CYTH1: variants seen among roughly 807,000 people sequenced by gnomAD.
CYTH1 encodes cytohesin-1.
A neutral mutation model predicts 61.8 loss-of-function variants in CYTH1; 18 were observed. The observed-to-expected ratio is 0.29, with a 90% CI of 0.20 to 0.43. The LOEUF is 0.43. Among genes scored for constraint, CYTH1 ranks in the 20% least tolerant of loss-of-function variants. CYTH1 has a pLI of 1.00. For missense variants in CYTH1, 336 were observed against 510.5 expected, an observed-to-expected ratio of 0.66 and a Z score of 3.29; for synonymous variants, 174 against 184.3, an observed-to-expected ratio of 0.94 and a Z score of 0.45.
At chr17:78,736,114 G>C (rs1438263780) in intron 1 of CYTH1, among the ~76,000 whole-genome samples, 4 of 152,200 alleles carry the variant, frequency 2.6e-5, no homozygotes, top group African/African-American at 7.2e-5. Context: ...TTTTCCCTTA[G>C]ACACATTTTA....
chr17:78,756,504 T>C (rs961066908), intron 1 of CYTH1, among the ~76,000 whole-genome samples: 1 of 152,200 alleles, frequency 6.6e-6, no homozygotes, highest in Non-Finnish European at 1.5e-5. Context: ...GTGCTCATCA[T>C]CACCAATTAA....
At chr17:78,739,391 T>A (rs543794052) in intron 1 of CYTH1, among the ~76,000 whole-genome samples, 17 of 152,188 alleles carry the variant, frequency 1.1e-4, no homozygotes, top group African/African-American at 4.1e-4. Context: ...GGGAAACAAG[T>A]AAGTAAAATA....
intron 11 of CYTH1, among the ~76,000 whole-genome samples, chr17:78,688,836 C>T (rs927696084): frequency 2.6e-5 from 4 of 152,182 alleles, no homozygotes; most frequent in Non-Finnish European, 5.9e-5. Flanking sequence ...GTGGGCTTGG[C>T]GAATGTGATC....
chr17:78,697,034 G>A (rs1023008810), intron 9 of CYTH1, among the ~76,000 whole-genome samples: 2 of 152,212 alleles, frequency 1.3e-5, no homozygotes, highest in African/African-American at 4.8e-5. Flanking sequence ...GATCGGTGAA[G>A]TGGTGCTGTA....
chr17:78,716,382 C>A (rs983291861), intron 1 of CYTH1, among the ~76,000 whole-genome samples: 1 of 152,180 alleles, frequency 6.6e-6, no homozygotes, highest in Non-Finnish European at 1.5e-5. Flanking sequence ...ACTATGGTCA[C>A]TAGAAAAGAT....
At chr17:78,711,896 T>C (rs1483485656) in intron 1 of CYTH1, among the ~76,000 whole-genome samples, 1 of 151,622 alleles carries the variant, frequency 6.6e-6, no homozygotes, top group Non-Finnish European at 1.5e-5. Context: ...GACAACATGG[T>C]GAAACCCTGT....
chr17:78,736,742 C>T (rs532849606), intron 1 of CYTH1: 9 of 410,414 alleles, frequency 2.2e-5, no homozygotes, highest in Admixed American at 5.8e-5. Context: ...CAGCGGGACA[C>T]GAAAAGTCCG....
intron 1 of CYTH1, among the ~76,000 whole-genome samples, chr17:78,774,062 T>TA (rs2093481946): frequency 1.3e-5 from 2 of 150,618 alleles, no homozygotes; most frequent in African/African-American, 5.0e-5. Context: ...CTTGTTTGTT[T>TA]TAAAAAAAAA....
At chr17:78,714,049 G>A (rs544535906) in intron 1 of CYTH1, among the ~76,000 whole-genome samples, 2 of 152,296 alleles carry the variant, frequency 1.3e-5, no homozygotes, top group African/African-American at 4.8e-5. Context: ...TAGCACTTTG[G>A]GAGGCTGAGA....
chr17:78,680,379 A>T, intron 12 of CYTH1, 35 bp from the exon 13 acceptor site: 1 of 1,582,904 alleles, frequency 6.3e-7, no homozygotes, highest in Non-Finnish European at 8.6e-7. Context: ...AGAGTGGAGC[A>T]AAGGAAGCTG....
In CYTH1 at chr17:78,698,763, T is replaced by TC. The variant is rs1412827269; in HGVS notation, c.699+56dup. ...TTTTCTTCCTTCCTACAAAAGACGA[T>TC]CCTGTTCCCAGTGAACTCTTTCTTG... On this transcript the variant is annotated intron_variant, in intron 8 of 13. Coordinates refer to ENST00000446868, the MANE Select transcript of CYTH1 (RefSeq NM_004762.6). 4.0e-6 allele frequency: 6 copies of TC among 1,516,410 alleles called. No individual in the cohort carries two copies. The African/African-American group carries it at 8.6e-5, about 22-fold the overall frequency. 93.9% of individuals were successfully genotyped at this position (1,516,410 alleles called of 1,614,324 possible).
chr17:78,779,307 G>A (rs752945242), intron 1 of CYTH1, among the ~76,000 whole-genome samples: 42 of 150,064 alleles, frequency 2.8e-4, no homozygotes, highest in Non-Finnish European at 5.5e-4. Flanking sequence ...GGCTGAGGCA[G>A]GAGAATCGCT....
intron 1 of CYTH1, among the ~76,000 whole-genome samples, chr17:78,726,294 A>G (rs2093266383): frequency 6.6e-6 from 1 of 151,968 alleles, no homozygotes; most frequent in African/African-American, 2.4e-5. Context: ...TGCCCGCCTC[A>G]GCCTCCCAAA....
intron 1 of CYTH1, among the ~76,000 whole-genome samples, chr17:78,781,181 A>AAAAG (rs1555618371): frequency 2.0e-5 from 3 of 150,836 alleles, no homozygotes; most frequent in East Asian, 3.9e-4. Flanking sequence ...AAAAAAAAAA[A>AAAAG]AAAAAGAAAA....
intron 11 of CYTH1, among the ~76,000 whole-genome samples, chr17:78,688,121 T>C (rs2092835607): frequency 6.6e-6 from 1 of 152,248 alleles, no homozygotes; most frequent in Non-Finnish European, 1.5e-5. Context: ...GATGACATAC[T>C]GCATAGACTC....
chr17:78,676,699 G>A (rs2092703390), intron 13 of CYTH1: 1 of 318,982 alleles, frequency 3.1e-6, no homozygotes, highest in Non-Finnish European at 6.1e-6. Flanking sequence ...GATGCTGCTG[G>A]TGGGGCACCA....
chr17:78,775,449 T>C (rs896025701), intron 1 of CYTH1, among the ~76,000 whole-genome samples: 1 of 152,202 alleles, frequency 6.6e-6, no homozygotes, highest in Non-Finnish European at 1.5e-5. Flanking sequence ...AATGAACAAC[T>C]TTCTTGAATG....
chr17:78,721,090 G>A (rs1004322804), intron 1 of CYTH1, among the ~76,000 whole-genome samples: 4 of 152,088 alleles, frequency 2.6e-5, no homozygotes, highest in Non-Finnish European at 5.9e-5. Context: ...AGCACTTTGG[G>A]GGGCCGAGGC....
Position 78,676,128 on chromosome 17 carries a change from G to T in CYTH1, c.1160C>A (p.Ala387Glu). ...CGTGGAGGAGACCTTCTTTTTCCGT[G>T]CTGCGAGCATTTCGTAGAAAGGGTC... ...SRDPFYEMLA[A>E]RKKKVSSTKR... The change falls in exon 14 of 14, where the codon GCA becomes GAA. Residue 387 changes from alanine to glutamate, a missense_variant. Transcript: ENST00000446868. 1.2e-6 allele frequency: 2 copies of T among 1,611,344 alleles called. No homozygotes were observed. The highest frequency in any genetic ancestry group is 1.7e-6 in the Non-Finnish European group (2 of 1,178,980).
Sources: allele counts gnomAD v4.1 joint callset (sites outside exome capture counted in the v4.1 genomes callset), GRCh38; gene constraint gnomAD v4.1.1; transcripts MANE v1.5; gene names NCBI Gene and HGNC (gene_info 2026-07-23, HGNC 2026-07-21).